Variants in CYRIB observed in about 807,000 individuals in gnomAD.
CYRIB encodes CYFIP related Rac1 interactor B, also known as CYFIP-related Rac1 interactor B.
A neutral mutation model predicts 44.2 loss-of-function variants in CYRIB; 8 were observed. That is an observed-to-expected ratio of 0.18 (90% confidence interval 0.11 to 0.33). CYRIB has a LOEUF of 0.33. CYRIB is among the 10% of genes least tolerant of loss of function. CYRIB has a pLI of 1.00. For synonymous variants in CYRIB, 131 were observed against 127.2 expected (o/e 1.03, Z -0.20); for missense variants, 185 against 382.8 (o/e 0.48, Z 4.31).
chr8:129,971,373 T>A (rs547291222), intron 1 of CYRIB, among the ~76,000 whole-genome samples: 26 of 152,306 alleles, frequency 1.7e-4, no homozygotes, highest in African/African-American at 5.3e-4. Context: ...ATTACAGGCA[T>A]GAACCACCGC....
chr8:129,984,438 T>C (rs1459846973), intron 1 of CYRIB, among the ~76,000 whole-genome samples: 1 of 152,016 alleles, frequency 6.6e-6, no homozygotes, highest in Non-Finnish European at 1.5e-5. Context: ...GTTACTGTGG[T>C]TGCTACCCTC....
At chr8:129,941,810 A>G (rs1218389754), upstream of CYRIB, among the ~76,000 whole-genome samples, 1 of 152,204 alleles carries the variant, frequency 6.6e-6, no homozygotes, top group Non-Finnish European at 1.5e-5. Flanking sequence ...AATCTTTCAT[A>G]TTATCTTCAA....
intron 1 of CYRIB, among the ~76,000 whole-genome samples, chr8:129,933,474 G>A (rs544234129): frequency 4.6e-5 from 7 of 152,274 alleles, no homozygotes; most frequent in Admixed American, 3.3e-4. Context: ...TAAGCTAATA[G>A]GGTCTGGACA....
chr8:129,989,013 A>G, intron 1 of CYRIB, among the ~76,000 whole-genome samples: 1 of 152,240 alleles, frequency 6.6e-6, no homozygotes, highest in Non-Finnish European at 1.5e-5. Flanking sequence ...ATCACCGTCC[A>G]GCATCACACA....
chr8:129,893,538 A>T (rs867535434), intron 2 of CYRIB, among the ~76,000 whole-genome samples: 3 of 151,408 alleles, frequency 2.0e-5, no homozygotes, highest in Non-Finnish European at 3.0e-5. Context: ...CATAAAGTAT[A>T]AAAAAAAATA....
chr8:129,869,716 G>C (rs1399969782), intron 4 of CYRIB, among the ~76,000 whole-genome samples: 1 of 152,116 alleles, frequency 6.6e-6, no homozygotes, highest in Non-Finnish European at 1.5e-5. Context: ...ACAATGCCAA[G>C]ACCAAAGCCC....
intron 1 of CYRIB, among the ~76,000 whole-genome samples, chr8:129,909,928 A>C (rs1024321086): frequency 5.9e-5 from 9 of 152,158 alleles, no homozygotes; most frequent in Admixed American, 4.6e-4. Context: ...CTTGCCCCAA[A>C]TTTCTCAAAT....
intron 11 of CYRIB, among the ~76,000 whole-genome samples, chr8:129,842,718 C>T (rs540844345): frequency 6.6e-6 from 1 of 152,350 alleles, no homozygotes; most frequent in Non-Finnish European, 1.5e-5. Flanking sequence ...CTGAAACACA[C>T]CAAGTTGACT....
At chr8:129,968,985 C>T (rs1445757339) in intron 2 of CYRIB, among the ~76,000 whole-genome samples, 1 of 138,684 alleles carries the variant, frequency 7.2e-6, no homozygotes, top group Non-Finnish European at 1.5e-5. Flanking sequence ...CTTCAGCTCA[C>T]ATGCCACCAT....
intron 2 of CYRIB, among the ~76,000 whole-genome samples, chr8:129,951,741 G>C (rs1200919098): frequency 6.6e-6 from 1 of 151,732 alleles, no homozygotes; most frequent in East Asian, 1.9e-4. Flanking sequence ...AGAAACACAA[G>C]AAACTATTTT....
At chr8:129,988,111 C>A (rs1471245299) in intron 1 of CYRIB, among the ~76,000 whole-genome samples, 1 of 152,124 alleles carries the variant, frequency 6.6e-6, no homozygotes, top group Non-Finnish European at 1.5e-5. Flanking sequence ...ATGGCGTCAG[C>A]CCCAAGTGAG....
intron 2 of CYRIB, among the ~76,000 whole-genome samples, chr8:129,900,954 G>A (rs891483815): frequency 6.6e-6 from 1 of 152,208 alleles, no homozygotes; most frequent in African/African-American, 2.4e-5. Context: ...AATTACAGGC[G>A]TGTGCCACCA....
Position 129,931,942 on chromosome 8 carries a change from G to A in CYRIB, c.-50+7666C>T, listed in dbSNP as rs113679882. Among the ~76,000 whole-genome samples the A allele has an allele frequency of 7.4e-3, 1,124 of 151,316 alleles. 13 individuals carry two copies. Among genetic ancestry groups the A allele is most frequent in the African/African-American group, 0.026 (1,056 of 41,234 alleles). On this transcript the variant is annotated intron_variant, in intron 1 of 11. Transcript: ENST00000519824. ...ATGCCTGGCACTTCTTTAAATGTCA[G>A]ATTTAATGAGGTATAATTTATATAT...
At chr8:129,940,613 T>C (rs2093616730), upstream of CYRIB, among the ~76,000 whole-genome samples, 3 of 152,180 alleles carry the variant, frequency 2.0e-5, no homozygotes, top group Admixed American at 2.0e-4. Flanking sequence ...CCTTTCCCTT[T>C]ACAGACAAAA....
At chr8:129,883,893 GTTTA>G (rs1448298218) in intron 2 of CYRIB, among the ~76,000 whole-genome samples, 5 of 152,208 alleles carry the variant, frequency 3.3e-5, no homozygotes. Flanking sequence ...ATACCTGGCA[GTTTA>G]TTTACTATTA....
At chr8:129,958,891 C>T (rs947402038) in intron 2 of CYRIB, among the ~76,000 whole-genome samples, 2 of 151,612 alleles carry the variant, frequency 1.3e-5, no homozygotes, top group Non-Finnish European at 2.9e-5. Context: ...TGGTGAAACC[C>T]CCGTCTCTAC....
intron 11 of CYRIB, 37 bp downstream of exon 13, chr8:129,846,767 A>AT (rs769259064): frequency 4.8e-6 from 7 of 1,443,582 alleles, no homozygotes; most frequent in African/African-American, 4.4e-5. Context: ...TTCCTTACAG[A>AT]TTTTTTCTGT....
chr8:129,840,314 A>C (rs2035756640), exon 12 of CYRIB: 1 of 152,294 alleles, frequency 6.6e-6, no homozygotes, highest in South Asian at 2.1e-4. Flanking sequence ...TTTGGCTCAT[A>C]GATGCATTGC....
intron 1 of CYRIB, among the ~76,000 whole-genome samples, chr8:129,987,872 C>T (rs914679995): frequency 5.3e-5 from 8 of 152,144 alleles, no homozygotes; most frequent in Non-Finnish European, 8.8e-5. Flanking sequence ...GCGCCCGGCC[C>T]CACCGTTTCT....
Sources: gnomAD v4.1 joint callset for allele counts (sites outside exome capture counted in the v4.1 genomes callset) on GRCh38, gnomAD v4.1.1 for gene constraint, MANE v1.5 for transcripts, NCBI Gene and HGNC (gene_info 2026-07-23, HGNC 2026-07-21) for gene names.